The following NADK2 variants were observed in gnomAD, a reference collection of about 807,000 sequenced individuals.
The protein encoded by NADK2 is NAD kinase 2, mitochondrial.
A neutral mutation model predicts 62.1 loss-of-function variants in NADK2; 35 were observed. That is an observed-to-expected ratio of 0.56 (90% CI 0.43 to 0.75). The LOEUF (loss-of-function observed/expected upper bound fraction) is 0.75. Ranked by LOEUF, NADK2 falls within the 30% of genes least tolerant of loss-of-function variation. NADK2 has a pLI of 0.00. For missense variants in NADK2, 439 were observed against 561.3 expected (o/e 0.78, Z 2.20); for synonymous variants, 205 against 207.9 (o/e 0.99, Z 0.12).
chr5:36,195,135 G>C lies in NADK2; in HGVS notation c.*9C>G, dbSNP rs1186314967. On this transcript the variant is annotated 3_prime_UTR_variant, in exon 12 of 12. Coordinates refer to ENST00000381937, the MANE Select transcript of NADK2 (RefSeq NM_001085411.3). ...CGCCAGTAATCAAAATTTGTCATGA[G>C]GAAATCCTTCACTGTTCAAGAAGCA... 6.3e-7 allele frequency: 1 copy of C among 1,593,222 alleles called. No homozygotes were observed. Among genetic ancestry groups the C allele is most frequent in the Non-Finnish European group, 8.5e-7 (1 of 1,172,524 alleles).
At chr5:36,235,343 TA>T (rs1199352035) in intron 1 of NADK2, among the ~76,000 whole-genome samples, 1 of 152,210 alleles carries the variant, frequency 6.6e-6, no homozygotes, top group Non-Finnish European at 1.5e-5. Context: ...TAAATATATG[TA>T]ACATTTACAT....
At chr5:36,230,214 A>G (rs1747655520) in intron 1 of NADK2, among the ~76,000 whole-genome samples, 1 of 151,624 alleles carries the variant, frequency 6.6e-6, no homozygotes, top group Admixed American at 6.6e-5. Flanking sequence ...CTCCTACCTC[A>G]TTTTTCCTCC....
Position 36,207,322 on chromosome 5 carries a change from G to T in NADK2, c.861-57C>A, listed in dbSNP as rs2303163. The stretch of plus-strand genomic sequence containing the variant: ...AGCTTATGGTTCAAGGTAAATAAGA[G>T]AGTCTTCTTCAGAACTAAGGAAATC... On this transcript the variant is annotated intron_variant, in intron 7 of 11. Transcript: ENST00000381937. 0.96 allele frequency: 1,272,126 copies of T among 1,325,558 alleles called. 613,805 individuals carry two copies. Among genetic ancestry groups the T allele is most frequent in the Non-Finnish European group, 0.99 (924,274 of 936,732 alleles). 82.1% of individuals were successfully genotyped at this position (1,325,558 alleles called of 1,614,324 possible). A position where few individuals can be genotyped will look rare whatever the true frequency, so the allele number is the denominator to read the frequency against.
chr5:36,198,701 T>C (rs1394656607), intron 10 of NADK2, among the ~76,000 whole-genome samples: 1 of 150,448 alleles, frequency 6.6e-6, no homozygotes, highest in African/African-American at 2.4e-5. Context: ...AATTATATAA[T>C]TAAGAAGCAA....
intron 4 of NADK2, among the ~76,000 whole-genome samples, chr5:36,223,665 T>C (rs6881318): frequency 0.3 from 46,283 of 151,934 alleles, 8,315 homozygotes; most frequent in South Asian, 0.49. Flanking sequence ...GTAGATTCGG[T>C]AAGTAGGATA....
At chr5:36,200,676 C>T (rs1746409975) in intron 9 of NADK2, among the ~76,000 whole-genome samples, 1 of 151,968 alleles carries the variant, frequency 6.6e-6, no homozygotes, top group South Asian at 2.1e-4. Context: ...TATGAGTCAT[C>T]CTTTTGTCCA....
chr5:36,238,034 T>C (rs1747972136), intron 1 of NADK2, among the ~76,000 whole-genome samples: 1 of 152,172 alleles, frequency 6.6e-6, no homozygotes, highest in East Asian at 1.9e-4. Flanking sequence ...TAACTGTGTC[T>C]AGAAGATTTG....
At chr5:36,201,539 C>A (rs1259488726) in intron 8 of NADK2, among the ~76,000 whole-genome samples, 1 of 151,650 alleles carries the variant, frequency 6.6e-6, no homozygotes, top group Admixed American at 6.6e-5. Context: ...AGAAAGCTGA[C>A]TGAATAAATT....
At chr5:36,231,006 A>G (rs2112182375) in intron 1 of NADK2, among the ~76,000 whole-genome samples, 1 of 152,298 alleles carries the variant, frequency 6.6e-6, no homozygotes, top group Non-Finnish European at 1.5e-5. Context: ...TCATACTTCA[A>G]TTCCCTATCC....
chr5:36,226,767 T>C (rs1446498056), intron 2 of NADK2, among the ~76,000 whole-genome samples: 3 of 152,176 alleles, frequency 2.0e-5, no homozygotes, highest in African/African-American at 7.2e-5. Flanking sequence ...AGGAAGCATA[T>C]GAATAAATCG....
intron 7 of NADK2, chr5:36,208,700 A>T: frequency 6.6e-7 from 1 of 1,517,190 alleles, no homozygotes; most frequent in Non-Finnish European, 8.8e-7. Flanking sequence ...TCTAGGTTAG[A>T]ACAAATAGGA....
intron 4 of NADK2, chr5:36,221,053 T>C (rs1033249154): frequency 6.6e-6 from 1 of 152,286 alleles, no homozygotes; most frequent in Non-Finnish European, 1.5e-5. Context: ...CAGGCCATCC[T>C]TGATTGAATA....
At chr5:36,228,475 A>C (rs1342603859) in intron 1 of NADK2, among the ~76,000 whole-genome samples, 1 of 151,670 alleles carries the variant, frequency 6.6e-6, no homozygotes, top group African/African-American at 2.4e-5. Context: ...TATGTTGCTC[A>C]GGCTGGTCTT....
chr5:36,230,528 ACTTAT>A (rs1747670062), intron 1 of NADK2, among the ~76,000 whole-genome samples: 1 of 152,192 alleles, frequency 6.6e-6, no homozygotes, highest in South Asian at 2.1e-4. Context: ...CAGTGATCTT[ACTTAT>A]CTTGTTTGCC....
In NADK2 at chr5:36,241,791, C is replaced by A; in HGVS notation, c.8G>T (p.Cys3Phe). 1 of 1,340,246 alleles carries A rather than the reference C, an allele frequency of 7.5e-7. No individual in the cohort carries two copies. Among genetic ancestry groups the A allele is most frequent in the Non-Finnish European group, 9.6e-7 (1 of 1,041,644 alleles). 83.0% of individuals were successfully genotyped at this position (1,340,246 alleles called of 1,614,324 possible). Residue 3 changes from cysteine to phenylalanine, a missense_variant, in exon 1 of 12, where the codon TGC (cysteine) becomes TTC (phenylalanine). Coordinates refer to ENST00000381937, the MANE Select transcript of NADK2 (RefSeq NM_001085411.3). This position sits in a 1 kb window ranked among gnomAD's most constrained non-coding sequence, Gnocchi z 4.9. MT[C>F]YRGFLLGSCC... ...GCTGCCCAGCAAGAAGCCTCGGTAGCAAGTCATCGTGGGCCGGGCCGCGGC... is the reference window on the plus strand; with the variant it reads ...GCTGCCCAGCAAGAAGCCTCGGTAGAAAGTCATCGTGGGCCGGGCCGCGGC...
rs139024617 is a variant in NADK2 at position 36,211,865 on chromosome 5, A to G, written c.839T>C (p.Ile280Thr). Residue 280 changes from isoleucine to threonine, a missense_variant, in exon 7 of 12, where the codon ATT (isoleucine) becomes ACT (threonine). Coordinates refer to ENST00000381937, the MANE Select transcript of NADK2 (RefSeq NM_001085411.3). Reference sequence around the variant, plus strand: ...GTACCTGGATGACAGACTCTCCCCAATGAAGACTTCATTTAGTGCTCTCAC... The same window carrying G: ...GTACCTGGATGACAGACTCTCCCCAGTGAAGACTTCATTTAGTGCTCTCAC... ...LPVRALNEVF[I>T]GESLSSRASY... The G allele has an allele frequency of 9.9e-5, 160 of 1,613,354 alleles. No homozygotes were observed. The highest frequency in any genetic ancestry group is 9.8e-5 in the Non-Finnish European group (116 of 1,179,618).
In NADK2 at chr5:36,219,656, G is replaced by C; in HGVS notation, c.584C>G (p.Pro195Arg). Reference protein sequence around the residue: ...PERSEGHLCLPVRYTHSFPEA... With the variant: ...PERSEGHLCLRVRYTHSFPEA... ...TGGAAAGGAATGTGTATATCGAACGGGCAGGCATAAATGACCCTCAGACCT... is the reference window on the plus strand; with the variant it reads ...TGGAAAGGAATGTGTATATCGAACGCGCAGGCATAAATGACCCTCAGACCT... The change falls in exon 5 of 12, where the codon CCC becomes CGC. Residue 195 changes from proline to arginine, a missense_variant. Pro to Arg is a moderately radical substitution (Grantham distance 103). Transcript: ENST00000381937. 1 of 1,613,810 alleles carries C rather than the reference G, an allele frequency of 6.2e-7. No individual in the cohort carries two copies. The highest frequency in any genetic ancestry group is 1.7e-5 in the Admixed American group (1 of 59,998).
intron 4 of NADK2, chr5:36,221,192 C>A (rs1235754825): frequency 6.6e-6 from 1 of 152,158 alleles, no homozygotes; most frequent in Non-Finnish European, 1.5e-5. Flanking sequence ...ATTTACCAGG[C>A]TCGGTAGAGT....
At chr5:36,230,598 T>C (rs947818123) in intron 1 of NADK2, among the ~76,000 whole-genome samples, 1 of 152,240 alleles carries the variant, frequency 6.6e-6, no homozygotes, top group Non-Finnish European at 1.5e-5. Flanking sequence ...AACTCATGCA[T>C]ACATTTTCCA....
Sources: gnomAD v4.1 joint callset for allele counts (sites outside exome capture counted in the v4.1 genomes callset) on GRCh38, gnomAD v4.1.1 for gene constraint, Gnocchi (gnomAD v3.1) non-coding constraint, MANE v1.5 for transcripts, NCBI Gene and HGNC (gene_info 2026-07-23, HGNC 2026-07-21) for gene names.